Variants in ANKMY2 observed in about 807,000 individuals in gnomAD.
The protein encoded by ANKMY2 is ankyrin repeat and MYND domain-containing protein 2.
In ANKMY2, 36 loss-of-function variants were observed where a neutral mutation model predicts 50.4. The observed-to-expected ratio is 0.71, with a 90% confidence interval of 0.55 to 0.94. The LOEUF (loss-of-function observed/expected upper bound fraction) is 0.94, where lower values mean the gene tolerates loss of function less well. Among genes scored for constraint, ANKMY2 ranks in the 40% least tolerant of loss-of-function variants. The pLI, the probability that ANKMY2 is intolerant of heterozygous loss-of-function variation, is 0.00. For synonymous variants in ANKMY2, 187 were observed against 178.8 expected (o/e 1.05, Z -0.36); for missense variants, 565 against 524.0 (o/e 1.08, Z -0.76).
chr7:16,644,174 A>T (rs1428878979), intron 1 of ANKMY2, among the ~76,000 whole-genome samples: 1 of 152,212 alleles, frequency 6.6e-6, no homozygotes, highest in Non-Finnish European at 1.5e-5. Flanking sequence ...GCTTAATTGA[A>T]TCCCAGAGCC....
rs887693019 is a variant in ANKMY2 at position 16,604,718 on chromosome 7, T to C, written c.1011+3A>G. ...AATGAAATAAAAAGAACTCCATTCT[T>C]ACCATTTTGCAAACTGAACATCTTT... On this transcript the variant is annotated splice_donor_region_variant and intron_variant, in intron 8 of 9. Coordinates refer to ENST00000306999, the MANE Select transcript of ANKMY2 (RefSeq NM_020319.3). 6.2e-7 allele frequency: 1 copy of C among 1,613,428 alleles called. No individual in the cohort carries two copies. Among genetic ancestry groups the C allele is most frequent in the Admixed American group, 1.7e-5 (1 of 59,914 alleles).
At position 16,645,554 on chromosome 7, in the gene ANKMY2, C is replaced by T; in HGVS notation, c.20G>A (p.Gly7Asp). 4.3e-6 allele frequency: 7 copies of T among 1,612,076 alleles called. No homozygotes were observed. Among genetic ancestry groups the T allele is most frequent in the Non-Finnish European group, 5.9e-6 (7 of 1,179,008 alleles). The change falls in exon 1 of 10, where the codon GGC becomes GAC. Residue 7 changes from glycine (G) to aspartate (D), a missense_variant. Gly to Asp is a moderately conservative substitution (Grantham distance 94). Coordinates refer to ENST00000306999, the MANE Select transcript of ANKMY2 (RefSeq NM_020319.3). ...CTCCTTCTCCTCCTGGGTCAGCTCG[C>T]CTTTCTTTATGTGAACCATTGCTCC... MVHIKK[G>D]ELTQEEKELL...
Position 16,604,781 on chromosome 7 carries a change from CA to C in ANKMY2, c.950del (p.Val317GlyfsTer22). 1 of 1,614,038 alleles carries C rather than the reference CA, an allele frequency of 6.2e-7. No individual in the cohort carries two copies. Among genetic ancestry groups the C allele is most frequent in the Non-Finnish European group, 8.5e-7 (1 of 1,179,976 alleles). On this transcript the variant is annotated frameshift_variant, in exon 8 of 10. Transcript: ENST00000306999. LOFTEE classifies it high-confidence loss of function. The stretch of plus-strand genomic sequence containing the variant: ...TTTCTCCACAGGTAGTGCAAAATTC[CA>C]CATCCACAAAACCCACCTGGCCAGT... ...AITGQVGFVD[V>X]EFCTTCGEKG...
At chr7:16,605,278 T>C (rs1242358409) in intron 7 of ANKMY2, among the ~76,000 whole-genome samples, 1 of 152,172 alleles carries the variant, frequency 6.6e-6, no homozygotes, top group African/African-American at 2.4e-5. Context: ...CTGAAAAGTT[T>C]AGTACAATCT....
chr7:16,637,724 A>G (rs953588674), intron 1 of ANKMY2, among the ~76,000 whole-genome samples: 19 of 152,242 alleles, frequency 1.2e-4, no homozygotes, highest in Admixed American at 1.2e-3. Flanking sequence ...AAATCTTTAT[A>G]GAAGAATAAA....
At chr7:16,619,427 T>G (rs2128343766) in intron 4 of ANKMY2, among the ~76,000 whole-genome samples, 1 of 152,308 alleles carries the variant, frequency 6.6e-6, no homozygotes, top group South Asian at 2.1e-4. Context: ...GTGCTGGGAT[T>G]ACAGGCGTGA....
chr7:16,634,009 A>G (rs1193679611), intron 2 of ANKMY2, among the ~76,000 whole-genome samples: 6 of 152,110 alleles, frequency 3.9e-5, no homozygotes, highest in African/African-American at 1.4e-4. Context: ...TTTAAACTTT[A>G]TTTTGTCTGA....
intron 4 of ANKMY2, among the ~76,000 whole-genome samples, chr7:16,624,389 T>C (rs961670853): frequency 2.6e-5 from 4 of 152,222 alleles, no homozygotes; most frequent in African/African-American, 9.6e-5. Flanking sequence ...CCAAGAATTA[T>C]TGGGCACACA....
rs537393818 is a variant in ANKMY2, at chr7:16,626,620, A to G, written c.271+420T>C. Among the ~76,000 whole-genome samples the G allele has an allele frequency of 1.2e-4, 18 of 152,354 alleles. 1 individual carries two copies. Among genetic ancestry groups the G allele is most frequent in the Admixed American group, 9.8e-4 (15 of 15,306 alleles). ...AATAATAAACAATACAAATCCGAGT[A>G]AGTTTCTAAAGGGATCATCATATTT... On this transcript the variant is annotated intron_variant, in intron 3 of 9. Coordinates refer to ENST00000306999, the MANE Select transcript of ANKMY2 (RefSeq NM_020319.3).
At chr7:16,613,688 C>T (rs984829078) in intron 5 of ANKMY2, among the ~76,000 whole-genome samples, 5 of 151,922 alleles carry the variant, frequency 3.3e-5, no homozygotes, top group African/African-American at 1.2e-4. Flanking sequence ...ATTATTAGGA[C>T]ATTTAACCCT....
intron 8 of ANKMY2, 133 bp from the exon 9 acceptor site, chr7:16,602,642 G>T: frequency 8.4e-7 from 1 of 1,184,158 alleles, no homozygotes; most frequent in Non-Finnish European, 1.2e-6. Flanking sequence ...ATATGTGGTT[G>T]ATATAGTTTG....
intron 7 of ANKMY2, 95 bp from the exon 8 acceptor site, chr7:16,604,944 G>A (rs1425211767): frequency 4.1e-6 from 5 of 1,231,286 alleles, no homozygotes; most frequent in Non-Finnish European, 5.4e-6. Context: ...GTCCTACAAT[G>A]TGACACAAAA....
intron 7 of ANKMY2, among the ~76,000 whole-genome samples, chr7:16,608,872 G>T (rs1268773038): frequency 6.6e-6 from 1 of 151,968 alleles, no homozygotes; most frequent in Non-Finnish European, 1.5e-5. Context: ...GTGGTGGCGC[G>T]CACCTATAGT....
intron 5 of ANKMY2, 32 bp downstream of exon 5, chr7:16,615,712 A>G (rs1781333605): frequency 2.5e-6 from 4 of 1,613,104 alleles, no homozygotes; most frequent in African/African-American, 1.3e-5. Flanking sequence ...CAATATTTAC[A>G]TAAAAAGCAA....
intron 9 of ANKMY2, among the ~76,000 whole-genome samples, chr7:16,601,661 G>A (rs759059154): frequency 2.6e-5 from 4 of 152,202 alleles, no homozygotes; most frequent in Admixed American, 6.5e-5. Flanking sequence ...GAGAGATGGA[G>A]GCAGAAATGC....
At chr7:16,620,630 A>C (rs894685205) in intron 4 of ANKMY2, among the ~76,000 whole-genome samples, 2 of 151,964 alleles carry the variant, frequency 1.3e-5, no homozygotes, top group Non-Finnish European at 1.5e-5. Context: ...ACACAGATGC[A>C]TGCACAAACA....
chr7:16,623,649 A>T (rs889712499), intron 4 of ANKMY2, among the ~76,000 whole-genome samples: 3 of 152,154 alleles, frequency 2.0e-5, no homozygotes, highest in African/African-American at 7.2e-5. Flanking sequence ...AGCACACATG[A>T]ACTAAAGTTC....
intron 2 of ANKMY2, among the ~76,000 whole-genome samples, chr7:16,634,650 T>C (rs1169567518): frequency 2.6e-5 from 4 of 152,130 alleles, no homozygotes; most frequent in Non-Finnish European, 4.4e-5. Flanking sequence ...TTACAAGGAA[T>C]AGCATCCAGT....
Position 16,636,908 on chromosome 7 carries a change from T to C in ANKMY2, c.68-453A>G, listed in dbSNP as rs191282755. On this transcript the variant is annotated intron_variant, in intron 1 of 9. Coordinates refer to ENST00000306999, the MANE Select transcript of ANKMY2 (RefSeq NM_020319.3). ...TTGTGAATTGATGACATATTTATAATAGAGTGCTTGGTTTGGAAATACTTA... is the reference window on the plus strand; with the variant it reads ...TTGTGAATTGATGACATATTTATAACAGAGTGCTTGGTTTGGAAATACTTA... 2.4e-3 allele frequency among the ~76,000 whole-genome samples: 365 copies of C among 152,362 alleles called. 1 individual carries two copies. Among genetic ancestry groups the C allele is most frequent in the Non-Finnish European group, 3.3e-3 (227 of 68,030 alleles).
Sources: gnomAD v4.1 joint callset for allele counts (sites outside exome capture counted in the v4.1 genomes callset) on GRCh38, gnomAD v4.1.1 for gene constraint, MANE v1.5 for transcripts, NCBI Gene and HGNC (gene_info 2026-07-23, HGNC 2026-07-21) for gene names.